The following PARP8 variants were observed in gnomAD, a reference collection of about 807,000 sequenced individuals.
The protein encoded by PARP8 is poly(ADP-ribose) polymerase family member 8.
In PARP8, 51 loss-of-function variants were observed where a neutral mutation model predicts 124.1. The ratio of observed to expected loss-of-function variants is 0.41; its 90% confidence interval spans 0.33 to 0.52. The LOEUF (loss-of-function observed/expected upper bound fraction) is 0.52, where lower values mean the gene tolerates loss of function less well. Ranked by LOEUF, PARP8 falls within the 20% of genes least tolerant of loss-of-function variation. The pLI, the probability that PARP8 is intolerant of heterozygous loss-of-function variation, is 0.21. For synonymous variants in PARP8, 391 were observed against 361.5 expected, an observed-to-expected ratio of 1.08 and a Z score of -0.93; for missense variants, 860 against 1,018.9, an observed-to-expected ratio of 0.84 and a Z score of 2.12.
intron 7 of PARP8, among the ~76,000 whole-genome samples, chr5:50,776,277 G>T (rs1740003983): frequency 1.3e-5 from 2 of 152,120 alleles, no homozygotes; most frequent in Non-Finnish European, 2.9e-5. Flanking sequence ...ACGTGCTATT[G>T]AATTCAGTTT....
intron 1 of PARP8, 149 bp downstream of exon 1, chr5:50,667,335 CA>C: frequency 1.2e-6 from 1 of 837,314 alleles, no homozygotes; most frequent in Non-Finnish European, 2.0e-6. Flanking sequence ...GCGCGGGAGC[CA>C]AAAGGGGGAG....
rs775094717 is a variant in PARP8 at position 50,763,084 on chromosome 5, A to C, written c.424-64A>C. ...AATGCACAGGGAGACCTGTCTCAAAAGGTTGCTTAAGTTTTTGATTCTGTT... is the reference window on the plus strand; with the variant it reads ...AATGCACAGGGAGACCTGTCTCAAACGGTTGCTTAAGTTTTTGATTCTGTT... On this transcript the variant is annotated intron_variant, in intron 6 of 25. Coordinates refer to ENST00000281631, the MANE Select transcript of PARP8 (RefSeq NM_024615.4). 13 of 1,268,328 alleles carry C rather than the reference A, an allele frequency of 1.0e-5. No individual in the cohort carries two copies. In the Admixed American group the frequency reaches 1.6e-4, roughly 15 times the overall value. 78.6% of individuals were successfully genotyped at this position (1,268,328 alleles called of 1,614,324 possible).
At position 50,842,091 on chromosome 5, in the gene PARP8, G is replaced by C. The variant is rs1187456080; in HGVS notation, c.*23G>C. 1.3e-6 allele frequency: 2 copies of C among 1,511,784 alleles called. No homozygotes were observed. Among genetic ancestry groups the C allele is most frequent in the South Asian group, 2.3e-5 (2 of 85,272 alleles). The allele number at this position is 1,511,784 out of a possible 1,614,324, so 93.6% of individuals were successfully genotyped here. On this transcript the variant is annotated 3_prime_UTR_variant, in exon 26 of 26. Transcript: ENST00000281631. ...TAAAGGACCACCATTTAATTAACAT[G>C]ATTCGAAAGCCTTCCTCGGGTTCAA...
Position 50,834,969 on chromosome 5 carries a change from T to G in PARP8, c.2416T>G (p.Trp806Gly). 6.2e-7 allele frequency: 1 copy of G among 1,613,582 alleles called. No homozygotes were observed. The highest frequency in any genetic ancestry group is 8.5e-7 in the Non-Finnish European group (1 of 1,179,714). Residue 806 changes from tryptophan to glycine, a missense_variant, in exon 25 of 26, where the codon TGG (tryptophan) becomes GGG (glycine). By Grantham distance (184) the Trp-to-Gly change is radical. Around this residue, in one of 2 missense-constraint regions of PARP8, gnomAD observed 343 missense variants for 474.7 expected, o/e 0.72. Transcript: ENST00000281631. ...TGACCTGCACAAACATGGAGAGATA[T>G]GGGTTGTCCCCAATACTGACCATGT... The part of the protein sequence containing the change: ...SSDLHKHGEI[W>G]VVPNTDHVCT...
chr5:50,667,944 C>T, intron 1 of PARP8, 127 bp from the exon 2 acceptor site: 1 of 1,568,732 alleles, frequency 6.4e-7, no homozygotes, highest in Non-Finnish European at 8.6e-7. Context: ...GACCTCGCCG[C>T]CCTCTAGCCC....
At chr5:50,668,537 T>G (rs1363655698) in intron 2 of PARP8, 2 of 159,100 alleles carry the variant, frequency 1.3e-5, no homozygotes, top group African/African-American at 4.8e-5. Flanking sequence ...GCTGCGTGTT[T>G]CCATGTTTTC....
chr5:50,821,430 A>T (rs1482202232), intron 16 of PARP8, 92 bp downstream of exon 16: 1 of 1,387,670 alleles, frequency 7.2e-7, no homozygotes, highest in Non-Finnish European at 1.0e-6. Context: ...TCCTCTTTCT[A>T]TCTAAATCTC....
intron 9 of PARP8, among the ~76,000 whole-genome samples, chr5:50,784,809 T>G (rs759930671): frequency 6.6e-6 from 1 of 152,122 alleles, no homozygotes; most frequent in Non-Finnish European, 1.5e-5. Context: ...TCACTAATTT[T>G]AGCTATATTT....
chr5:50,814,144 A>G (rs1285881384), intron 14 of PARP8, among the ~76,000 whole-genome samples: 1 of 152,154 alleles, frequency 6.6e-6, no homozygotes, highest in Non-Finnish European at 1.5e-5. Context: ...GCACCAGAAT[A>G]GCATTTGACA....
At chr5:50,814,584 C>T (rs1348855663) in intron 14 of PARP8, among the ~76,000 whole-genome samples, 4 of 151,970 alleles carry the variant, frequency 2.6e-5, no homozygotes, top group Non-Finnish European at 5.9e-5. Context: ...TCTATAAAGC[C>T]ATGCATATGG....
chr5:50,713,852 C>CTAGCAA lies in PARP8; in HGVS notation c.147-36298_147-36293dup, dbSNP rs201390433. Among the ~76,000 whole-genome samples, 61 of 152,040 alleles carry CTAGCAA rather than the reference C, an allele frequency of 4.0e-4. 2 individuals are homozygous for CTAGCAA. The East Asian group carries it at 9.5e-3, about 24-fold the overall frequency. ...AGATCTGAAGATGCTCTGCTGCAGCCTAGCAAGATGGAAGGAACCATGAGG... is the reference window on the plus strand; with the variant it reads ...AGATCTGAAGATGCTCTGCTGCAGCCTAGCAATAGCAAGATGGAAGGAACCATGAGG... On this transcript the variant is annotated intron_variant, in intron 2 of 25. Coordinates refer to ENST00000281631, the MANE Select transcript of PARP8 (RefSeq NM_024615.4).
At chr5:50,783,780 C>G (rs1435435358) in intron 9 of PARP8, among the ~76,000 whole-genome samples, 1 of 152,126 alleles carries the variant, frequency 6.6e-6, no homozygotes, top group Non-Finnish European at 1.5e-5. Context: ...TTGCGTGGCT[C>G]TACTTATTAG....
At chr5:50,667,334 C>T (rs1749409629) in intron 1 of PARP8, 148 bp downstream of exon 1, 1 of 850,576 alleles carries the variant, frequency 1.2e-6, no homozygotes, top group Admixed American at 2.0e-5. Context: ...AGCGCGGGAG[C>T]CAAAAGGGGG....
chr5:50,667,644 C>A (rs539570241), intron 1 of PARP8: 3 of 699,174 alleles, frequency 4.3e-6, no homozygotes, highest in South Asian at 3.0e-5. Context: ...GGGCAGCGCT[C>A]GGCCCATCTC....
At chr5:50,785,168 C>T (rs2149625807) in intron 9 of PARP8, among the ~76,000 whole-genome samples, 1 of 151,926 alleles carries the variant, frequency 6.6e-6, no homozygotes, top group East Asian at 1.9e-4. Flanking sequence ...AATTATAGGT[C>T]ATTTAGATTT....
chr5:50,807,200 G>A (rs1156470312), intron 14 of PARP8, among the ~76,000 whole-genome samples: 6 of 151,690 alleles, frequency 4.0e-5, no homozygotes, highest in African/African-American at 9.7e-5. Flanking sequence ...TCCATTCAGA[G>A]GTCTAGGTTA....
intron 4 of PARP8, 92 bp from the exon 5 acceptor site, chr5:50,760,196 ATCAC>A: frequency 9.4e-7 from 1 of 1,060,758 alleles, no homozygotes; most frequent in African/African-American, 1.7e-5. Flanking sequence ...AGGAGATGGA[ATCAC>A]CTAAAGGGTA....
intron 2 of PARP8, among the ~76,000 whole-genome samples, chr5:50,728,989 T>TA (rs1756708426): frequency 6.6e-6 from 1 of 152,192 alleles, no homozygotes; most frequent in African/African-American, 2.4e-5. Context: ...GACTGAGAGT[T>TA]AAACATTTTT....
At chr5:50,697,086 G>T (rs1004764036) in intron 2 of PARP8, among the ~76,000 whole-genome samples, 1 of 152,074 alleles carries the variant, frequency 6.6e-6, no homozygotes, top group Non-Finnish European at 1.5e-5. Flanking sequence ...GGCCAACATA[G>T]TGAAACTCCT....
Sources: gnomAD v4.1 joint callset for allele counts (sites outside exome capture counted in the v4.1 genomes callset) on GRCh38, gnomAD v4.1.1 for gene constraint, gnomAD v4.1.1 regional missense constraint, MANE v1.5 for transcripts, NCBI Gene and HGNC (gene_info 2026-07-23, HGNC 2026-07-21) for gene names.